Variants in ADARB2 observed in about 807,000 individuals in gnomAD.
The protein encoded by ADARB2 is adenosine deaminase RNA specific B2 (inactive), also known as inactive double-stranded RNA-specific editase B2.
ADARB2 carries 25 observed loss-of-function variants against 62.2 expected under a neutral mutation model. That is an observed-to-expected ratio of 0.40 (90% CI 0.29 to 0.56). ADARB2 has a LOEUF of 0.56. Among genes scored for constraint, ADARB2 ranks in the 20% least tolerant of loss-of-function variants. The pLI, the probability that ADARB2 is intolerant of heterozygous loss-of-function variation, is 0.43. For missense variants in ADARB2, 1,071 were observed against 1,077.4 expected, an observed-to-expected ratio of 0.99 and a Z score of 0.08; for synonymous variants, 572 against 500.8, an observed-to-expected ratio of 1.14 and a Z score of -1.90.
intron 1 of ADARB2, among the ~76,000 whole-genome samples, chr10:1,600,105 G>T (rs544006501): frequency 1.3e-5 from 2 of 152,212 alleles, no homozygotes; most frequent in Admixed American, 6.5e-5. Context: ...AGGACTCCAC[G>T]TGACAATGCC....
At chr10:1,456,486 C>A (rs192361895) in intron 1 of ADARB2, among the ~76,000 whole-genome samples, 1 of 152,174 alleles carries the variant, frequency 6.6e-6, no homozygotes, top group African/African-American at 2.4e-5. Flanking sequence ...GGCCCAAAAC[C>A]TATGAACACC....
At chr10:1,678,484 A>C (rs1251428160) in intron 1 of ADARB2, among the ~76,000 whole-genome samples, 1 of 152,106 alleles carries the variant, frequency 6.6e-6, no homozygotes, top group East Asian at 1.9e-4. Flanking sequence ...ACTTTGGGGC[A>C]TGCAGGGGGG....
chr10:1,495,852 C>G (rs1228851759), intron 1 of ADARB2, among the ~76,000 whole-genome samples: 1 of 149,404 alleles, frequency 6.7e-6, no homozygotes, highest in Admixed American at 6.7e-5. Context: ...ATCAACATTA[C>G]CATCATCTTC....
rs191586225 is a variant in ADARB2 at position 1,538,231 on chromosome 10, G to A, written c.101-159071C>T. ...GCCTGGCAGTCTCTCCAGTGCCTGC[G>A]TTTGTGGCTGTGGCTGCAGGGGTCG... is the stretch of plus-strand genomic sequence containing the variant. On this transcript the variant is annotated intron_variant, in intron 1 of 9. Coordinates refer to ENST00000381312, the MANE Select transcript of ADARB2 (RefSeq NM_018702.4). Among the ~76,000 whole-genome samples the A allele has an allele frequency of 2.0e-4, 31 of 152,320 alleles. No homozygotes were observed. The East Asian group carries it at 5.4e-3, about 27-fold the overall frequency.
At chr10:1,556,611 C>G (rs941707817) in intron 1 of ADARB2, 1 of 504,396 alleles carries the variant, frequency 2.0e-6, no homozygotes, top group East Asian at 5.9e-5. Context: ...TCTTTTGCAG[C>G]TGTCGAGGAT....
In ADARB2 at chr10:1,269,530, T is replaced by G. The variant is rs534090011; in HGVS notation, c.1192+1425A>C. Among the ~76,000 whole-genome samples the G allele has an allele frequency of 2.0e-5, 3 of 152,336 alleles. No homozygotes were observed. The East Asian group carries it at 5.8e-4, about 29-fold the overall frequency. Reference sequence around the variant, plus strand: ...AACACATTTAGCCTTCAAAATAACCTGATCAGGTAGGTGTTGCTGTTATCC... The same window carrying G: ...AACACATTTAGCCTTCAAAATAACCGGATCAGGTAGGTGTTGCTGTTATCC... On this transcript the variant is annotated intron_variant, in intron 4 of 9. Transcript: ENST00000381312.
chr10:1,429,429 A>G (rs1390791680), intron 1 of ADARB2, among the ~76,000 whole-genome samples: 1 of 152,212 alleles, frequency 6.6e-6, no homozygotes, highest in Non-Finnish European at 1.5e-5. Flanking sequence ...AACCTTTAGT[A>G]TGCAGATGGA....
intron 1 of ADARB2, 87 bp downstream of exon 1, chr10:1,736,964 G>A (rs1835309703): frequency 2.2e-6 from 3 of 1,383,978 alleles, no homozygotes; most frequent in Non-Finnish European, 3.0e-6. Context: ...TGCTCACAAC[G>A]GACAAGCCCG....
At chr10:1,307,896 C>G (rs924208685) in intron 3 of ADARB2, among the ~76,000 whole-genome samples, 7 of 125,084 alleles carry the variant, frequency 5.6e-5, no homozygotes, top group African/African-American at 1.9e-4. Context: ...CACATGGACA[C>G]AGGAAGGGGA....
At chr10:1,552,779 C>G (rs1053954394) in intron 1 of ADARB2, among the ~76,000 whole-genome samples, 12 of 151,992 alleles carry the variant, frequency 7.9e-5, no homozygotes, top group Non-Finnish European at 1.8e-4. Flanking sequence ...AGTCAGAGAG[C>G]ACCTTCCTCT....
intron 1 of ADARB2, among the ~76,000 whole-genome samples, chr10:1,682,820 A>G (rs1834554726): frequency 6.6e-6 from 1 of 152,228 alleles, no homozygotes; most frequent in African/African-American, 2.4e-5. Context: ...ATCAGTATGT[A>G]ATGCAGACGG....
At chr10:1,440,412 C>G (rs1379087018) in intron 1 of ADARB2, among the ~76,000 whole-genome samples, 1 of 140,644 alleles carries the variant, frequency 7.1e-6, no homozygotes, top group East Asian at 2.3e-4. Flanking sequence ...CACACCTTTG[C>G]TACAAACGCC....
At chr10:1,564,715 C>T (rs576714880) in intron 1 of ADARB2, among the ~76,000 whole-genome samples, 15 of 151,944 alleles carry the variant, frequency 9.9e-5, no homozygotes, top group Admixed American at 3.9e-4. Context: ...AGCGAGATAC[C>T]ATCTCACACC....
intron 1 of ADARB2, among the ~76,000 whole-genome samples, chr10:1,530,133 C>T (rs1426789910): frequency 2.0e-5 from 3 of 151,884 alleles, no homozygotes; most frequent in South Asian, 2.1e-4. Flanking sequence ...CTCCTGCCAC[C>T]TTGGGCACCC....
chr10:1,280,722 C>T lies in ADARB2; in HGVS notation c.1078-9653G>A, dbSNP rs142465143. ...TGCTCTGTGATATTCCTGAGTGATG[C>T]TCTATGATATTCCTAAGTGATGCTC... is the stretch of plus-strand genomic sequence containing the variant. On this transcript the variant is annotated intron_variant, in intron 3 of 9. Transcript: ENST00000381312. 4.9e-3 allele frequency among the ~76,000 whole-genome samples: 737 copies of T among 150,976 alleles called. 5 individuals are homozygous for T. The highest frequency in any genetic ancestry group is 7.4e-3 in the Non-Finnish European group (498 of 67,748).
chr10:1,731,130 C>A (rs2119047428), intron 1 of ADARB2, among the ~76,000 whole-genome samples: 1 of 152,282 alleles, frequency 6.6e-6, no homozygotes, highest in East Asian at 1.9e-4. Context: ...GATTGTGGAT[C>A]TCTTGAAAAG....
intron 1 of ADARB2, among the ~76,000 whole-genome samples, chr10:1,484,123 C>G (rs923248104): frequency 2.0e-5 from 3 of 152,190 alleles, no homozygotes; most frequent in African/African-American, 7.2e-5. Flanking sequence ...CAATTTCCTG[C>G]TAGCTTCAGT....
intron 1 of ADARB2, among the ~76,000 whole-genome samples, chr10:1,666,306 C>T (rs1834315645): frequency 1.3e-5 from 2 of 152,224 alleles, no homozygotes; most frequent in South Asian, 4.1e-4. Context: ...CTGCCTGCCC[C>T]GCCAGGGCGA....
intron 1 of ADARB2, among the ~76,000 whole-genome samples, chr10:1,525,702 C>T (rs1297649922): frequency 6.6e-6 from 1 of 152,106 alleles, no homozygotes; most frequent in African/African-American, 2.4e-5. Context: ...CAGAGCTAGC[C>T]GAGGCAGCTG....
Sources: allele counts gnomAD v4.1 joint callset (sites outside exome capture counted in the v4.1 genomes callset), GRCh38; gene constraint gnomAD v4.1.1; transcripts MANE v1.5; gene names NCBI Gene and HGNC (gene_info 2026-07-23, HGNC 2026-07-21).